AMZ1: variants seen among roughly 807,000 people sequenced by gnomAD.
AMZ1 encodes the protein archaemetzincin-1.
Under a neutral mutation model 29.9 loss-of-function variants are expected in AMZ1, and 39 were observed. That is an observed-to-expected ratio of 1.30 (90% CI 1.01 to 1.70). The LOEUF is 1.70. Among genes scored for constraint, AMZ1 ranks in the 40% most tolerant of loss-of-function variants. AMZ1 has a pLI of 0.00. For missense variants in AMZ1, 1,041 were observed against 680.6 expected (o/e 1.53, Z -5.89); for synonymous variants, 458 against 304.0 (o/e 1.51, Z -5.27).
intron 5 of AMZ1, 133 bp downstream of exon 5, chr7:2,709,377 C>T (rs1788598572): frequency 2.8e-6 from 3 of 1,088,798 alleles, no homozygotes; most frequent in Non-Finnish European, 2.5e-6. Context: ...ATGAGGAAAG[C>T]AAGGCTACAC....
intron 4 of AMZ1, chr7:2,728,722 T>TGC (rs10627045): frequency 1.9e-5 from 2 of 104,556 alleles, no homozygotes; most frequent in African/African-American, 6.7e-5. Flanking sequence ...CTAGAGTCTA[T>TGC]GTGTAGCCAA....
At chr7:2,737,274 G>GTTTTTTTTTA (rs1790243746) in intron 4 of AMZ1, among the ~76,000 whole-genome samples, 1 of 35,032 alleles carries the variant, frequency 2.9e-5, no homozygotes, top group African/African-American at 9.9e-5. Flanking sequence ...GTTTTGTTTT[G>GTTTTTTTTTA]TTTTTTTTTT....
chr7:2,718,933 C>G lies in AMZ1; in HGVS notation c.*6055C>G, dbSNP rs183789302. Among the ~76,000 whole-genome samples, 1 of 151,742 alleles carries G rather than the reference C, an allele frequency of 6.6e-6. No individual in the cohort carries two copies. Among genetic ancestry groups the G allele is most frequent in the Admixed American group, 6.6e-5 (1 of 15,238 alleles). ...GGGTCGCTTAACACAGGCAGGGGTA[C>G]AGGAGAGCTCCGGCCATTTATTCCA... is the stretch of plus-strand genomic sequence containing the variant. On this transcript the variant is annotated 3_prime_UTR_variant, in exon 7 of 7. Coordinates refer to ENST00000683327, the MANE Select transcript of AMZ1 (RefSeq NM_001384743.1).
At chr7:2,759,682 G>C (rs1387124953), upstream of AMZ1, among the ~76,000 whole-genome samples, 2 of 152,122 alleles carry the variant, frequency 1.3e-5, no homozygotes, top group African/African-American at 4.8e-5. Flanking sequence ...TATTTTTTCA[G>C]ACCCTCTTCT....
chr7:2,717,272 C>T lies in AMZ1; in HGVS notation c.*4394C>T, dbSNP rs569445195. The stretch of plus-strand genomic sequence containing the variant: ...GCCTGCACAGGAATATTTTTATCCC[C>T]GTGAAGACGGAGAGAATCAGGGCTT... On this transcript the variant is annotated 3_prime_UTR_variant, in exon 7 of 7. Transcript: ENST00000683327. Among the ~76,000 whole-genome samples, 13 of 152,356 alleles carry T rather than the reference C, an allele frequency of 8.5e-5. No individual in the cohort carries two copies. The highest frequency in any genetic ancestry group is 2.4e-4 in the African/African-American group (10 of 41,588).
chr7:2,699,531 GCC>G (rs547533976), intron 1 of AMZ1, among the ~76,000 whole-genome samples: 1 of 150,220 alleles, frequency 6.7e-6, no homozygotes, highest in Non-Finnish European at 1.5e-5. Flanking sequence ...GCGTACCCCC[GCC>G]CCCCCCCAAA....
At chr7:2,760,051 G>A (rs1030876921), upstream of AMZ1, among the ~76,000 whole-genome samples, 4 of 152,240 alleles carry the variant, frequency 2.6e-5, no homozygotes, top group Admixed American at 2.0e-4. Flanking sequence ...GAAAACACTA[G>A]GATGTCAAGG....
intron 1 of AMZ1, among the ~76,000 whole-genome samples, chr7:2,696,547 G>A (rs7384663): frequency 0.085 from 12,606 of 149,162 alleles, 626 homozygotes; most frequent in South Asian, 0.16. Context: ...GTGAGCCACC[G>A]CACCTGGCCA....
chr7:2,737,274 G>GTTTTGTTTTGTTTTGTTT (rs1790242698), intron 4 of AMZ1, among the ~76,000 whole-genome samples: 1 of 35,032 alleles, frequency 2.9e-5, no homozygotes, highest in African/African-American at 9.9e-5. Flanking sequence ...GTTTTGTTTT[G>GTTTTGTTTTGTTTTGTTT]TTTTTTTTTT....
intron 1 of AMZ1, among the ~76,000 whole-genome samples, chr7:2,690,900 G>T (rs1410156924): frequency 6.6e-6 from 1 of 152,034 alleles, no homozygotes; most frequent in Admixed American, 6.6e-5. Flanking sequence ...CAGTGCTTTG[G>T]GAGGCCGAGG....
upstream of AMZ1, among the ~76,000 whole-genome samples, chr7:2,764,347 T>C (rs1447128520): frequency 6.6e-6 from 1 of 151,818 alleles, no homozygotes; most frequent in Non-Finnish European, 1.5e-5. Flanking sequence ...CCTCCCAAAG[T>C]GCCAGGATTC....
chr7:2,694,436 C>T (rs766529337), intron 1 of AMZ1, among the ~76,000 whole-genome samples: 2 of 152,248 alleles, frequency 1.3e-5, no homozygotes, highest in East Asian at 1.9e-4. Flanking sequence ...CTTCTGAGGC[C>T]TGTGAGCCAA....
intron 6 of AMZ1, among the ~76,000 whole-genome samples, chr7:2,710,562 C>G (rs1235510248): frequency 1.3e-5 from 2 of 152,180 alleles, no homozygotes; most frequent in African/African-American, 2.4e-5. Flanking sequence ...CAGGGCCTAG[C>G]TGGGCCCTCC....
chr7:2,745,583 C>T (rs144665018), intron 4 of AMZ1, among the ~76,000 whole-genome samples: 3 of 152,326 alleles, frequency 2.0e-5, no homozygotes, highest in Non-Finnish European at 4.4e-5. Context: ...TTGTAAAGAC[C>T]ATCAAGGCTA....
At chr7:2,746,115 A>G (rs1790750819) in intron 4 of AMZ1, among the ~76,000 whole-genome samples, 1 of 152,192 alleles carries the variant, frequency 6.6e-6, no homozygotes, top group Non-Finnish European at 1.5e-5. Flanking sequence ...GATCAACGAG[A>G]CAGAAAGTTA....
downstream of AMZ1, among the ~76,000 whole-genome samples, chr7:2,721,799 A>G (rs1039168496): frequency 1.3e-5 from 2 of 152,142 alleles, no homozygotes; most frequent in Non-Finnish European, 2.9e-5. Context: ...AGGCAGGGAC[A>G]TAACACGCCA....
rs142567005 is a variant in AMZ1, at chr7:2,712,680, C to T, written c.1299C>T (p.Ala433=). ...AEEDLVQVDR[A]VDALDRWEMF... ...AGGACCTGGTGCAGGTGGACAGAGC[C>T]GTGGACGCCCTCGACCGCTGGGAGA... Residue 433 remains alanine, a synonymous_variant, in exon 7 of 7, where the codon GCC becomes GCT. Transcript: ENST00000683327. 2.5e-4 allele frequency: 400 copies of T among 1,612,806 alleles called. 4 individuals are homozygous for T. Among genetic ancestry groups the T allele is most frequent in the Middle Eastern group, 1.8e-3 (11 of 6,056 alleles).
intron 3 of AMZ1, among the ~76,000 whole-genome samples, chr7:2,703,786 C>T (rs1486281722): frequency 2.0e-5 from 3 of 152,148 alleles, no homozygotes; most frequent in East Asian, 1.9e-4. Flanking sequence ...TATATTAATC[C>T]ATCTTACTCT....
upstream of AMZ1, chr7:2,760,241 C>A (rs997842026): frequency 6.6e-6 from 1 of 152,448 alleles, no homozygotes; most frequent in Non-Finnish European, 1.5e-5. Flanking sequence ...GGAGGGCACA[C>A]CCCAGCACGA....
Sources: gnomAD v4.1 joint callset for allele counts (sites outside exome capture counted in the v4.1 genomes callset) on GRCh38, gnomAD v4.1.1 for gene constraint, MANE v1.5 for transcripts, NCBI Gene and HGNC (gene_info 2026-07-23, HGNC 2026-07-21) for gene names.